The following THSD4 variants were observed in gnomAD, a reference collection of about 807,000 sequenced individuals.
The protein encoded by THSD4 is thrombospondin type 1 domain containing 4.
THSD4 carries 69 observed loss-of-function variants against 119.0 expected under a neutral mutation model. The ratio of observed to expected loss-of-function variants is 0.58; its 90% confidence interval spans 0.48 to 0.71. The LOEUF is 0.71. THSD4 is among the 30% of genes least tolerant of loss of function. The pLI, the probability that THSD4 is intolerant of heterozygous loss-of-function variation, is 0.00. For synonymous variants in THSD4, 524 were observed against 540.4 expected (o/e 0.97, Z 0.42); for missense variants, 1,393 against 1,391.1 (o/e 1.00, Z -0.02).
intron 15 of THSD4, 125 bp downstream of exon 15, chr15:71,758,200 T>C: frequency 8.4e-7 from 1 of 1,195,234 alleles, no homozygotes; most frequent in Non-Finnish European, 1.1e-6. Context: ...ACTGTCTATC[T>C]GTGACCCTGG....
chr15:71,491,126 G>A (rs1293691911), intron 7 of THSD4, among the ~76,000 whole-genome samples: 1 of 152,198 alleles, frequency 6.6e-6, no homozygotes, highest in African/African-American at 2.4e-5. Flanking sequence ...TTGTCAAGTT[G>A]TCCACCAGAA....
chr15:71,335,679 A>C (rs1324113280), intron 6 of THSD4, among the ~76,000 whole-genome samples: 1 of 152,144 alleles, frequency 6.6e-6, no homozygotes, highest in Non-Finnish European at 1.5e-5. Context: ...GATGAATGCA[A>C]GGCTTATTTC....
chr15:71,422,062 G>A lies in THSD4; in HGVS notation c.1152+10239G>A, dbSNP rs1288443088. The stretch of plus-strand genomic sequence containing the variant: ...GATTTCTGAATTCCTTCTCTGTGTT[G>A]TCCTGAATTCTGCTGAGTTTCCTCA... On this transcript the variant is annotated intron_variant, in intron 7 of 17. Coordinates refer to ENST00000261862, the MANE Select transcript of THSD4 (RefSeq NM_024817.3). Among the ~76,000 whole-genome samples the A allele has an allele frequency of 3.9e-5, 6 of 152,208 alleles. No individual in the cohort carries two copies. The East Asian group carries it at 1.2e-3, about 29-fold the overall frequency.
chr15:71,556,408 A>G (rs73443854), intron 7 of THSD4, among the ~76,000 whole-genome samples: 5,609 of 151,990 alleles, frequency 0.037, 342 homozygotes, highest in African/African-American at 0.13. Context: ...AATTATGTGT[A>G]TGTTTTTCTA....
intron 7 of THSD4, among the ~76,000 whole-genome samples, chr15:71,599,484 C>G (rs1012115397): frequency 2.0e-5 from 3 of 152,140 alleles, no homozygotes; most frequent in African/African-American, 7.2e-5. Flanking sequence ...AAGGTTCAAA[C>G]CCAGGCAAAC....
At chr15:71,444,957 A>G (rs539757051) in intron 7 of THSD4, among the ~76,000 whole-genome samples, 5 of 152,238 alleles carry the variant, frequency 3.3e-5, no homozygotes, top group South Asian at 4.1e-4. Flanking sequence ...ATTCCTTAGC[A>G]TGGCATTCAG....
chr15:71,646,944 T>G (rs2050981380), intron 7 of THSD4, among the ~76,000 whole-genome samples: 2 of 152,208 alleles, frequency 1.3e-5, no homozygotes, highest in South Asian at 4.1e-4. Context: ...GGAGGCCTTT[T>G]GAGCCAGAAG....
chr15:71,602,595 A>AAAAG (rs2050035074), intron 7 of THSD4, among the ~76,000 whole-genome samples: 3 of 140,160 alleles, frequency 2.1e-5, no homozygotes, highest in Non-Finnish European at 4.6e-5. Context: ...AAAGAAAAAC[A>AAAAG]GTCTCTATCC....
At chr15:71,753,996 C>T (rs2053493805) in intron 14 of THSD4, among the ~76,000 whole-genome samples, 2 of 151,656 alleles carry the variant, frequency 1.3e-5, no homozygotes, top group South Asian at 4.2e-4. Flanking sequence ...ATTAAGTTAG[C>T]TAGTCAGATG....
intron 7 of THSD4, among the ~76,000 whole-genome samples, chr15:71,588,470 A>G (rs527879972): frequency 1.8e-4 from 27 of 152,048 alleles, no homozygotes; most frequent in Non-Finnish European, 2.6e-4. Flanking sequence ...GTCACCCAGA[A>G]TGGAGTACAG....
At chr15:71,537,378 A>T (rs2048701090) in intron 7 of THSD4, among the ~76,000 whole-genome samples, 1 of 152,106 alleles carries the variant, frequency 6.6e-6, no homozygotes, top group East Asian at 1.9e-4. Flanking sequence ...AATCTCTGCA[A>T]CATGGCCCCT....
intron 7 of THSD4, among the ~76,000 whole-genome samples, chr15:71,471,595 T>G (rs1269154875): frequency 1.3e-5 from 2 of 151,716 alleles, no homozygotes; most frequent in African/African-American, 4.8e-5. Context: ...AGGCGAAGTA[T>G]GATCAAGTGA....
rs1015511982 is a variant in THSD4, at chr15:71,489,673, A to T, written c.1152+77850A>T. Reference sequence around the variant, plus strand: ...TTTCATTTTGTAACCCTTAAAAAAAATTTGATGTTTGTCTCCTGGTTTTGC... The same window carrying T: ...TTTCATTTTGTAACCCTTAAAAAAATTTTGATGTTTGTCTCCTGGTTTTGC... On this transcript the variant is annotated intron_variant, in intron 7 of 17. Coordinates refer to ENST00000261862, the MANE Select transcript of THSD4 (RefSeq NM_024817.3). 4.6e-5 allele frequency among the ~76,000 whole-genome samples: 7 copies of T among 152,292 alleles called. No homozygotes were observed. In the South Asian group the frequency reaches 1.2e-3, roughly 27 times the overall value.
At position 71,215,107 on chromosome 15, in the gene THSD4, G is replaced by C. The variant is rs983651415; in HGVS notation, c.172G>C (p.Ala58Pro). The change falls in exon 4 of 18, where the codon GCC (alanine) becomes CCC (proline). Residue 58 changes from alanine to proline, a missense_variant. Transcript: ENST00000261862. Reference protein sequence around the residue: ...GGGGAPGVWGAWGPWSACSRS... With the variant: ...GGGGAPGVWGPWGPWSACSRS... ...CGGCGGCGCCCCGGGAGTGTGGGGC[G>C]CCTGGGGCCCCTGGTCGGCCTGCTC... is the stretch of plus-strand genomic sequence containing the variant. 1.5e-6 allele frequency: 2 copies of C among 1,337,856 alleles called. No individual in the cohort carries two copies. Among genetic ancestry groups the C allele is most frequent in the Non-Finnish European group, 1.9e-6 (2 of 1,041,706 alleles). 82.9% of individuals were successfully genotyped at this position (1,337,856 alleles called of 1,614,324 possible).
intron 6 of THSD4, among the ~76,000 whole-genome samples, chr15:71,272,173 C>T (rs532139118): frequency 4.6e-5 from 7 of 151,974 alleles, no homozygotes; most frequent in Admixed American, 1.3e-4. Context: ...GAGGCTGAGG[C>T]GGGCAGATCA....
intron 7 of THSD4, among the ~76,000 whole-genome samples, chr15:71,646,314 A>G (rs956798740): frequency 1.3e-5 from 2 of 152,232 alleles, no homozygotes; most frequent in Admixed American, 6.5e-5. Context: ...TAAAGTCACC[A>G]GAGTCCATAA....
At chr15:71,328,591 C>T (rs2045378141) in intron 6 of THSD4, among the ~76,000 whole-genome samples, 1 of 152,192 alleles carries the variant, frequency 6.6e-6, no homozygotes, top group African/African-American at 2.4e-5. Flanking sequence ...CAGGAGCCAG[C>T]ATTCTAGCGA....
At chr15:71,689,349 G>T (rs1567102364) in intron 8 of THSD4, among the ~76,000 whole-genome samples, 1 of 152,140 alleles carries the variant, frequency 6.6e-6, no homozygotes. Context: ...CTCAAGTCAG[G>T]CTCTGAATTC....
At chr15:71,531,469 C>T (rs2048608782) in intron 7 of THSD4, among the ~76,000 whole-genome samples, 1 of 152,168 alleles carries the variant, frequency 6.6e-6, no homozygotes, top group African/African-American at 2.4e-5. Context: ...GAATTCAAGA[C>T]ACATTTCAAA....
Sources: allele counts gnomAD v4.1 joint callset (sites outside exome capture counted in the v4.1 genomes callset), GRCh38; gene constraint gnomAD v4.1.1; transcripts MANE v1.5; gene names NCBI Gene and HGNC (gene_info 2026-07-23, HGNC 2026-07-21).